ARHGAP28: variants seen among roughly 807,000 people sequenced by gnomAD.
The protein encoded by ARHGAP28 is rho GTPase-activating protein 28.
ARHGAP28 carries 56 observed loss-of-function variants against 90.7 expected under a neutral mutation model. The ratio of observed to expected loss-of-function variants is 0.62; its 90% CI spans 0.50 to 0.77. ARHGAP28 has a LOEUF of 0.77. ARHGAP28 is among the 30% of genes least tolerant of loss of function. ARHGAP28 has a pLI of 0.00. For synonymous variants in ARHGAP28, 308 were observed against 323.3 expected (o/e 0.95, Z 0.51); for missense variants, 869 against 900.9 (o/e 0.96, Z 0.45).
chr18:6,859,772 C>A (rs1600255689), intron 4 of ARHGAP28, 36 bp from the exon 5 acceptor site: 1 of 1,585,886 alleles, frequency 6.3e-7, no homozygotes, highest in South Asian at 1.1e-5. Flanking sequence ...AAAGTATTTG[C>A]CTGAATAAGA....
chr18:6,793,275 T>C (rs1440184901), intron 1 of ARHGAP28, among the ~76,000 whole-genome samples: 1 of 152,138 alleles, frequency 6.6e-6, no homozygotes, highest in African/African-American at 2.4e-5. Context: ...TATGTAACAA[T>C]AGGTAAGGTC....
At chr18:6,738,804 G>T (rs927026901) in intron 1 of ARHGAP28, among the ~76,000 whole-genome samples, 11 of 152,272 alleles carry the variant, frequency 7.2e-5, no homozygotes, top group Non-Finnish European at 1.5e-4. Flanking sequence ...CGCAGTCAAA[G>T]AAGTGAGGAC....
At position 6,909,124 on chromosome 18, in the gene ARHGAP28, TA is replaced by T. The variant is rs2057380278; in HGVS notation, c.2095+105del. On this transcript the variant is annotated intron_variant, in intron 17 of 17. Transcript: ENST00000383472. ...AGGTATGTTTTATGAATTTCTCAGA[TA>T]AAAACTAAAAATCAGTAGGTTTCTG... is the stretch of plus-strand genomic sequence containing the variant. The T allele has an allele frequency of 7.0e-6, 5 of 717,062 alleles. No homozygotes were observed. In the South Asian group the frequency reaches 9.8e-5, roughly 14 times the overall value. The allele number at this position is 717,062 out of a possible 1,614,324, so 44.4% of individuals were successfully genotyped here.
intron 1 of ARHGAP28, among the ~76,000 whole-genome samples, chr18:6,779,218 T>A (rs1012233265): frequency 6.6e-6 from 1 of 152,206 alleles, no homozygotes; most frequent in Non-Finnish European, 1.5e-5. Flanking sequence ...GGGTGCACTG[T>A]GTACTGCATA....
At chr18:6,739,161 G>A (rs1468497813) in intron 1 of ARHGAP28, among the ~76,000 whole-genome samples, 1 of 152,070 alleles carries the variant, frequency 6.6e-6, no homozygotes, top group Non-Finnish European at 1.5e-5. Flanking sequence ...CTTTTAACCT[G>A]TTATTTAAAT....
chr18:6,844,062 C>T (rs1327631789), intron 3 of ARHGAP28, among the ~76,000 whole-genome samples: 2 of 152,124 alleles, frequency 1.3e-5, no homozygotes, highest in Admixed American at 1.3e-4. Flanking sequence ...CTTTCAGTGA[C>T]ACATTTAACT....
chr18:6,803,993 A>G (rs983740815), intron 1 of ARHGAP28, among the ~76,000 whole-genome samples: 3 of 151,988 alleles, frequency 2.0e-5, no homozygotes, highest in African/African-American at 7.2e-5. Flanking sequence ...ATTAGTCAGG[A>G]TGATCTTGAT....
At chr18:6,758,492 T>G (rs777395518) in intron 1 of ARHGAP28, among the ~76,000 whole-genome samples, 4 of 152,126 alleles carry the variant, frequency 2.6e-5, no homozygotes, top group Non-Finnish European at 5.9e-5. Flanking sequence ...CCTGGCTAAT[T>G]TTCGTAATTT....
chr18:6,870,505 A>T, intron 6 of ARHGAP28, 85 bp from the exon 7 acceptor site: 1 of 1,364,652 alleles, frequency 7.3e-7, no homozygotes, highest in Middle Eastern at 2.1e-4. Context: ...TTCACTTGTA[A>T]ATATTTTGAA....
At chr18:6,885,680 A>C (rs1209286006) in intron 11 of ARHGAP28, among the ~76,000 whole-genome samples, 1 of 152,228 alleles carries the variant, frequency 6.6e-6, no homozygotes, top group Non-Finnish European at 1.5e-5. Context: ...AGTAAAATGA[A>C]AATGGATTAT....
At chr18:6,737,535 T>G (rs903069343) in intron 1 of ARHGAP28, among the ~76,000 whole-genome samples, 5 of 152,212 alleles carry the variant, frequency 3.3e-5, no homozygotes, top group African/African-American at 1.2e-4. Flanking sequence ...GTAAAGGCAA[T>G]GCTGTTTAAA....
intron 14 of ARHGAP28, 27 bp downstream of exon 14, chr18:6,890,570 T>C (rs2057257862): frequency 6.9e-7 from 1 of 1,442,332 alleles, no homozygotes; most frequent in African/African-American, 1.4e-5. Context: ...GGCATGGCGA[T>C]TGTCCACTGC....
At chr18:6,740,212 T>A (rs2055964594) in intron 1 of ARHGAP28, among the ~76,000 whole-genome samples, 1 of 152,230 alleles carries the variant, frequency 6.6e-6, no homozygotes, top group Non-Finnish European at 1.5e-5. Flanking sequence ...ATTAATGAAT[T>A]CTTCCTCTAT....
At chr18:6,820,315 A>G (rs930492243) in intron 1 of ARHGAP28, among the ~76,000 whole-genome samples, 1 of 152,238 alleles carries the variant, frequency 6.6e-6, no homozygotes, top group African/African-American at 2.4e-5. Flanking sequence ...CTGACTGAAC[A>G]CAGTAGAAGT....
chr18:6,869,560 G>A (rs1407322280), intron 6 of ARHGAP28, among the ~76,000 whole-genome samples: 1 of 151,888 alleles, frequency 6.6e-6, no homozygotes, highest in Non-Finnish European at 1.5e-5. Context: ...TGTGCCTGGC[G>A]TCCCTTTGCT....
chr18:6,885,184 G>A (rs1385623711), intron 11 of ARHGAP28, among the ~76,000 whole-genome samples: 5 of 152,200 alleles, frequency 3.3e-5, no homozygotes, highest in Non-Finnish European at 7.3e-5. Context: ...GGTTCACAAA[G>A]AGTCCACATT....
chr18:6,815,180 C>G (rs914448872), intron 1 of ARHGAP28, among the ~76,000 whole-genome samples: 4 of 152,200 alleles, frequency 2.6e-5, no homozygotes, highest in African/African-American at 9.6e-5. Context: ...ATAAAACGTT[C>G]ACATTTAGTG....
chr18:6,861,852 C>T (rs1221901700), intron 5 of ARHGAP28, among the ~76,000 whole-genome samples: 2 of 152,138 alleles, frequency 1.3e-5, no homozygotes, highest in Non-Finnish European at 2.9e-5. Flanking sequence ...TACAAATAGG[C>T]TTTTTGCAAG....
intron 7 of ARHGAP28, 121 bp downstream of exon 7, chr18:6,870,853 T>G (rs542614924): frequency 3.9e-5 from 42 of 1,070,656 alleles, no homozygotes; most frequent in East Asian, 8.4e-5. Flanking sequence ...CAGGCTGGAG[T>G]GCAGTGGCGC....
Sources: gnomAD v4.1 joint callset for allele counts (sites outside exome capture counted in the v4.1 genomes callset) on GRCh38, gnomAD v4.1.1 for gene constraint, MANE v1.5 for transcripts, NCBI Gene and HGNC (gene_info 2026-07-23, HGNC 2026-07-21) for gene names.